The following ERC1 variants were observed in gnomAD, a reference collection of about 807,000 sequenced individuals.
The protein encoded by ERC1 is ELKS/RAB6-interacting/CAST family member 1.
A neutral mutation model predicts 132.0 loss-of-function variants in ERC1; 56 were observed. The ratio of observed to expected loss-of-function variants is 0.42; its 90% CI spans 0.34 to 0.53. The LOEUF (loss-of-function observed/expected upper bound fraction) is 0.53. ERC1 is among the 20% of genes least tolerant of loss of function. The probability of loss-of-function intolerance (pLI) is 0.03; values close to 1 mark genes in which losing one functional copy is unlikely to be tolerated. For synonymous variants in ERC1, 478 were observed against 476.1 expected, an observed-to-expected ratio of 1.00 and a Z score of -0.05; for missense variants, 1,202 against 1,349.9, an observed-to-expected ratio of 0.89 and a Z score of 1.72.
intron 15 of ERC1, among the ~76,000 whole-genome samples, chr12:1,309,688 CAG>C (rs1212961792): frequency 2.0e-5 from 3 of 149,188 alleles, no homozygotes; most frequent in Admixed American, 6.7e-5. Flanking sequence ...TTTAACAAAA[CAG>C]TATTCTCATT....
At chr12:1,456,028 G>A (rs2093526166) in intron 18 of ERC1, among the ~76,000 whole-genome samples, 1 of 152,178 alleles carries the variant, frequency 6.6e-6, no homozygotes, top group East Asian at 1.9e-4. Context: ...TTCCAATGAG[G>A]TGAGGAAACA....
At chr12:1,091,304 G>C (rs576641417) in intron 3 of ERC1, among the ~76,000 whole-genome samples, 1 of 152,306 alleles carries the variant, frequency 6.6e-6, no homozygotes, top group Non-Finnish European at 1.5e-5. Context: ...TGCTAATTAA[G>C]TTGGGAAGGG....
chr12:1,122,524 TCTCTATCTCTATCTCTATC>T (rs1329112515), intron 7 of ERC1, among the ~76,000 whole-genome samples: 7 of 19,532 alleles, frequency 3.6e-4, no homozygotes, highest in Non-Finnish European at 5.0e-4. Context: ...TGTGTCTCTA[TCTCTATCTCTATCTCTATC>T]TGTGTCTCTA....
chr12:990,407 A>C (rs1959170257), upstream of ERC1: 1 of 151,886 alleles, frequency 6.6e-6, no homozygotes, highest in Non-Finnish European at 1.5e-5. Flanking sequence ...GCGAGTCTGC[A>C]CGAGAAAATC....
At chr12:1,331,619 A>G (rs975156298) in intron 15 of ERC1, among the ~76,000 whole-genome samples, 3 of 152,136 alleles carry the variant, frequency 2.0e-5, no homozygotes, top group African/African-American at 7.2e-5. Context: ...CCCTGATCCT[A>G]ACAAATAATT....
rs540124352 is a variant in ERC1, at chr12:1,399,364, T to G, written c.2926-8785T>G. Among the ~76,000 whole-genome samples the G allele has an allele frequency of 7.9e-4, 120 of 152,382 alleles. 1 individual carries two copies. Among genetic ancestry groups the G allele is most frequent in the African/African-American group, 2.8e-3 (115 of 41,588 alleles). On this transcript the variant is annotated intron_variant, in intron 16 of 18. Transcript: ENST00000360905. The stretch of plus-strand genomic sequence containing the variant: ...TCACATCCCATGCAATTTACCCGTT[T>G]AAAATATGCCATTCCATATTGTTTA...
intron 7 of ERC1, among the ~76,000 whole-genome samples, chr12:1,118,780 A>T (rs868750469): frequency 2.6e-5 from 4 of 152,232 alleles, no homozygotes; most frequent in African/African-American, 9.6e-5. Context: ...AGTTGATTTC[A>T]TCTTTTCTGC....
At chr12:1,065,084 T>A (rs766551039) in intron 2 of ERC1, among the ~76,000 whole-genome samples, 48 of 152,100 alleles carry the variant, frequency 3.2e-4, no homozygotes, top group Non-Finnish European at 6.0e-4. Context: ...TACTGCAACC[T>A]CCGCCTCCTG....
chr12:1,038,703 G>A (rs1969589983), intron 2 of ERC1, among the ~76,000 whole-genome samples: 1 of 152,180 alleles, frequency 6.6e-6, no homozygotes, highest in Non-Finnish European at 1.5e-5. Flanking sequence ...TTTGAAGAAA[G>A]TAATAGTAAG....
intron 14 of ERC1, among the ~76,000 whole-genome samples, chr12:1,273,728 TG>T (rs2078042972): frequency 6.6e-6 from 1 of 152,102 alleles, no homozygotes; most frequent in African/African-American, 2.4e-5. Flanking sequence ...GTTGGACAGA[TG>T]GGTGGGTGGA....
intron 2 of ERC1, among the ~76,000 whole-genome samples, chr12:1,037,839 TC>T (rs1969376534): frequency 6.6e-6 from 1 of 151,960 alleles, no homozygotes; most frequent in African/African-American, 2.4e-5. Context: ...GGTCAGGAGA[TC>T]CAGAGCATCC....
chr12:1,167,736 A>T (rs1158641599), intron 8 of ERC1, among the ~76,000 whole-genome samples: 3 of 141,596 alleles, frequency 2.1e-5, no homozygotes, highest in Non-Finnish European at 4.5e-5. Context: ...TTTTTTTCCG[A>T]GATGGAGTCT....
chr12:1,152,031 T>C (rs1423480014), intron 8 of ERC1: 1 of 152,170 alleles, frequency 6.6e-6, no homozygotes, highest in Non-Finnish European at 1.5e-5. Flanking sequence ...AAACCCTGTC[T>C]CTACTGAAAA....
At chr12:1,170,398 A>G (rs1480070064) in intron 8 of ERC1, among the ~76,000 whole-genome samples, 1 of 152,162 alleles carries the variant, frequency 6.6e-6, no homozygotes, top group Non-Finnish European at 1.5e-5. Context: ...TGGATCTCTC[A>G]TCACTAAAAT....
At chr12:1,432,910 T>C (rs1044921303) in intron 17 of ERC1, among the ~76,000 whole-genome samples, 1 of 152,244 alleles carries the variant, frequency 6.6e-6, no homozygotes, top group Non-Finnish European at 1.5e-5. Flanking sequence ...AAAAACTTTT[T>C]TCACCACAGT....
intron 18 of ERC1, among the ~76,000 whole-genome samples, chr12:1,471,094 C>T (rs2154427526): frequency 6.6e-6 from 1 of 152,232 alleles, no homozygotes; most frequent in Non-Finnish European, 1.5e-5. Flanking sequence ...ATTCAGCTCC[C>T]TTCCCAGCTT....
At chr12:1,318,464 A>G (rs1393814563) in intron 15 of ERC1, among the ~76,000 whole-genome samples, 3 of 152,240 alleles carry the variant, frequency 2.0e-5, no homozygotes, top group Non-Finnish European at 2.9e-5. Flanking sequence ...TAAATTGGCA[A>G]GCTCAAACTG....
intron 17 of ERC1, among the ~76,000 whole-genome samples, chr12:1,433,019 T>C (rs6489286): frequency 0.28 from 41,911 of 152,244 alleles, 10,514 homozygotes; most frequent in African/African-American, 0.67. Context: ...CCACGGGAGC[T>C]ACATTGCCTG....
At chr12:1,399,956 A>G (rs113149066) in intron 16 of ERC1, among the ~76,000 whole-genome samples, 24 of 152,296 alleles carry the variant, frequency 1.6e-4, no homozygotes, top group African/African-American at 5.5e-4. Context: ...CATTTTAAGG[A>G]ACTACCAAAA....
Sources: gnomAD v4.1 joint callset for allele counts (sites outside exome capture counted in the v4.1 genomes callset) on GRCh38, gnomAD v4.1.1 for gene constraint, MANE v1.5 for transcripts, NCBI Gene and HGNC (gene_info 2026-07-23, HGNC 2026-07-21) for gene names.